The following SLC5A4 variants were observed in gnomAD, a reference collection of about 807,000 sequenced individuals.
SLC5A4 encodes probable glucose sensor protein SLC5A4.
In SLC5A4, 55 loss-of-function variants were observed where a neutral mutation model predicts 70.3. The ratio of observed to expected loss-of-function variants is 0.78; its 90% confidence interval spans 0.63 to 0.98. The LOEUF (loss-of-function observed/expected upper bound fraction) is 0.98, where lower values mean the gene tolerates loss of function less well. SLC5A4 is among the 50% of genes least tolerant of loss of function. The pLI is 0.00. For missense variants in SLC5A4, 735 were observed against 839.2 expected, an observed-to-expected ratio of 0.88 and a Z score of 1.53; for synonymous variants, 268 against 305.7, an observed-to-expected ratio of 0.88 and a Z score of 1.29.
chr22:32,265,909 T>C, the SLC5A4 span, among the ~76,000 whole-genome samples: 2 of 152,172 alleles, frequency 1.3e-5, no homozygotes, highest in Non-Finnish European at 2.9e-5. Flanking sequence ...TCAACTAAGT[T>C]TGACTCTTTT....
chr22:32,252,951 C>G (rs1927257776), intron 2 of SLC5A4, among the ~76,000 whole-genome samples: 2 of 152,166 alleles, frequency 1.3e-5, no homozygotes, highest in Non-Finnish European at 2.9e-5. Context: ...TGTAAAATCA[C>G]TTTTTCTGCT....
the SLC5A4 span, among the ~76,000 whole-genome samples, chr22:32,311,978 C>T: frequency 6.6e-6 from 1 of 152,232 alleles, no homozygotes; most frequent in Admixed American, 6.5e-5. Context: ...GCCTGGGCAC[C>T]CCCCTTCCCC....
At chr22:32,236,207 G>A (rs1198368795) in intron 7 of SLC5A4, among the ~76,000 whole-genome samples, 2 of 152,210 alleles carry the variant, frequency 1.3e-5, no homozygotes, top group African/African-American at 4.8e-5. Context: ...TGATAGAAAT[G>A]TTCCGTATCC....
At chr22:32,329,179 G>A in the SLC5A4 span, among the ~76,000 whole-genome samples, 2 of 152,202 alleles carry the variant, frequency 1.3e-5, no homozygotes, top group Non-Finnish European at 2.9e-5. Flanking sequence ...GCAACTGAGG[G>A]CTCTGGCCCA....
the SLC5A4 span, among the ~76,000 whole-genome samples, chr22:32,290,540 G>C: frequency 6.6e-6 from 1 of 152,144 alleles, no homozygotes; most frequent in South Asian, 2.1e-4. Context: ...CAAATGCTTT[G>C]GATATGATTT....
At chr22:32,333,758 A>T in the SLC5A4 span, among the ~76,000 whole-genome samples, 2 of 151,858 alleles carry the variant, frequency 1.3e-5, no homozygotes, top group African/African-American at 4.8e-5. Context: ...CATGCCACAC[A>T]GACACCCACA....
chr22:32,309,848 C>G, the SLC5A4 span, among the ~76,000 whole-genome samples: 1 of 151,680 alleles, frequency 6.6e-6, no homozygotes, highest in East Asian at 1.9e-4. Flanking sequence ...GGTGCTGTGG[C>G]TGGCTGCACT....
At chr22:32,300,451 A>C in the SLC5A4 span, among the ~76,000 whole-genome samples, 2 of 151,908 alleles carry the variant, frequency 1.3e-5, no homozygotes, top group East Asian at 3.9e-4. Flanking sequence ...CCTTTCTTTG[A>C]CTCAGAAAGG....
intron 13 of SLC5A4, among the ~76,000 whole-genome samples, chr22:32,224,044 C>T (rs1478999198): frequency 6.6e-6 from 1 of 152,080 alleles, no homozygotes; most frequent in Non-Finnish European, 1.5e-5. Context: ...CCTCAGCCTC[C>T]CGAGCAGCTG....
chr22:32,232,587 A>G (rs149713345), intron 9 of SLC5A4, among the ~76,000 whole-genome samples: 1 of 152,110 alleles, frequency 6.6e-6, no homozygotes, highest in African/African-American at 2.4e-5. Flanking sequence ...AATTAACCCA[A>G]TTCTACCTCA....
Position 32,220,382 on chromosome 22 carries a change from A to G in SLC5A4, c.1768+538T>C, listed in dbSNP as rs138193991. Among the ~76,000 whole-genome samples, 29 of 152,368 alleles carry G rather than the reference A, an allele frequency of 1.9e-4. 1 individual carries two copies. The East Asian group carries it at 5.0e-3, about 26-fold the overall frequency. The stretch of plus-strand genomic sequence containing the variant: ...GTGCTAAACCTTATCTGAGGTTTAA[A>G]AAACATTAGGTAAACAAAGAGCCAG... On this transcript the variant is annotated intron_variant, in intron 14 of 14. Transcript: ENST00000266086.
At chr22:32,241,803 G>GTGTGTATGTATA (rs1474263077) in intron 5 of SLC5A4, among the ~76,000 whole-genome samples, 4 of 147,914 alleles carry the variant, frequency 2.7e-5, no homozygotes, top group African/African-American at 7.7e-5. Flanking sequence ...GTGTGTGTGT[G>GTGTGTATGTATA]TATATATATC....
At chr22:32,338,011 G>C in the SLC5A4 span, among the ~76,000 whole-genome samples, 19,853 of 151,672 alleles carry the variant, frequency 0.13, 1,766 homozygotes, top group Non-Finnish European at 0.2. Flanking sequence ...GAACTCTCTT[G>C]AGTCAGTGTG....
the SLC5A4 span, among the ~76,000 whole-genome samples, chr22:32,280,475 C>T: frequency 6.6e-6 from 1 of 152,140 alleles, no homozygotes; most frequent in Non-Finnish European, 1.5e-5. Flanking sequence ...TTAGTCGACA[C>T]TGCTCAATGT....
At chr22:32,269,805 G>T in the SLC5A4 span, 5 of 677,770 alleles carry the variant, frequency 7.4e-6, no homozygotes, top group South Asian at 6.8e-5. This position sits in a 1 kb window ranked among gnomAD's most constrained non-coding sequence, Gnocchi z 4.1. Flanking sequence ...CATCTCCCAT[G>T]ACAAGATGGT....
the SLC5A4 span, among the ~76,000 whole-genome samples, chr22:32,283,251 G>A: frequency 4.6e-5 from 7 of 152,206 alleles, no homozygotes; most frequent in African/African-American, 1.7e-4. Flanking sequence ...CTTTGCACTT[G>A]CAGTTCCTTC....
chr22:32,341,998 T>G, the SLC5A4 span, among the ~76,000 whole-genome samples: 1 of 152,240 alleles, frequency 6.6e-6, no homozygotes, highest in East Asian at 1.9e-4. Flanking sequence ...AAGCATTTTA[T>G]TTTCTTTGTC....
the SLC5A4 span, among the ~76,000 whole-genome samples, chr22:32,303,637 CTCA>C: frequency 2.0e-5 from 3 of 152,044 alleles, no homozygotes; most frequent in East Asian, 5.8e-4. Flanking sequence ...GGCTTGATAC[CTCA>C]TTTCTTTTTA....
chr22:32,308,809 T>C, the SLC5A4 span, among the ~76,000 whole-genome samples: 5 of 152,194 alleles, frequency 3.3e-5, no homozygotes, highest in East Asian at 5.8e-4. Context: ...TGCATGTGTG[T>C]GCATGCACAG....
Sources: allele counts gnomAD v4.1 joint callset (sites outside exome capture counted in the v4.1 genomes callset), GRCh38; gene constraint gnomAD v4.1.1; non-coding constraint Gnocchi (gnomAD v3.1); transcripts MANE v1.5; gene names NCBI Gene and HGNC (gene_info 2026-07-23, HGNC 2026-07-21).